ATP9A: variants seen among roughly 807,000 people sequenced by gnomAD.
The protein encoded by ATP9A is ATPase phospholipid transporting 9A.
Under a neutral mutation model 144.1 loss-of-function variants are expected in ATP9A, and 52 were observed. The observed-to-expected ratio is 0.36, with a 90% CI of 0.29 to 0.45. The LOEUF is 0.45. ATP9A is among the 20% of genes least tolerant of loss of function. The pLI is 1.00. For synonymous variants in ATP9A, 582 were observed against 557.4 expected (o/e 1.04, Z -0.62); for missense variants, 947 against 1,392.7 (o/e 0.68, Z 5.09).
At chr20:51,610,250 A>C in intron 23 of ATP9A, 85 bp from the exon 24 acceptor site, 5 of 1,117,128 alleles carry the variant, frequency 4.5e-6, no homozygotes, top group Non-Finnish European at 6.7e-6. Flanking sequence ...CCTGATACTT[A>C]CATAACACCC....
At chr20:51,621,276 AG>A (rs930723425) in intron 19 of ATP9A, among the ~76,000 whole-genome samples, 4 of 152,170 alleles carry the variant, frequency 2.6e-5, no homozygotes, top group Non-Finnish European at 5.9e-5. Flanking sequence ...GTGAATGATG[AG>A]AACTGACTGT....
At chr20:51,760,182 A>T (rs1425847551) in intron 1 of ATP9A, among the ~76,000 whole-genome samples, 1 of 152,144 alleles carries the variant, frequency 6.6e-6, no homozygotes, top group Non-Finnish European at 1.5e-5. Flanking sequence ...GAAAAAATAC[A>T]CGTGTCAGAT....
intron 1 of ATP9A, among the ~76,000 whole-genome samples, chr20:51,736,411 A>C (rs1366414433): frequency 6.6e-6 from 1 of 152,192 alleles, no homozygotes; most frequent in Non-Finnish European, 1.5e-5. Context: ...AAAACACTGC[A>C]GTGAGCAAGA....
At chr20:51,722,533 G>A (rs1278024811) in intron 3 of ATP9A, among the ~76,000 whole-genome samples, 1 of 152,048 alleles carries the variant, frequency 6.6e-6, no homozygotes, top group Non-Finnish European at 1.5e-5. Context: ...GTGGACTAAG[G>A]ACTTGAATAG....
intron 11 of ATP9A, 61 bp from the exon 12 acceptor site, chr20:51,671,318 A>G: frequency 6.4e-7 from 1 of 1,570,324 alleles, no homozygotes; most frequent in Non-Finnish European, 8.7e-7. Flanking sequence ...TTGTATCTTT[A>G]TAAAAACATG....
chr20:51,605,108 T>A, intron 26 of ATP9A, 88 bp from the exon 27 acceptor site: 1 of 1,200,268 alleles, frequency 8.3e-7, no homozygotes, highest in Non-Finnish European at 1.1e-6. Flanking sequence ...TCCGCAGTTT[T>A]CATTTAGACA....
chr20:51,604,470 C>CT (rs2077155387), intron 27 of ATP9A, among the ~76,000 whole-genome samples: 1 of 152,168 alleles, frequency 6.6e-6, no homozygotes, highest in Non-Finnish European at 1.5e-5. Flanking sequence ...CACAAGTCCC[C>CT]TTTTATCAGT....
At chr20:51,739,281 C>T (rs530168891) in intron 1 of ATP9A, among the ~76,000 whole-genome samples, 50 of 152,084 alleles carry the variant, frequency 3.3e-4, no homozygotes, top group Non-Finnish European at 6.0e-4. Flanking sequence ...CTTCCAAGTA[C>T]GTCCTTTCTT....
At chr20:51,632,235 C>T (rs2077272789) in intron 15 of ATP9A, among the ~76,000 whole-genome samples, 1 of 152,106 alleles carries the variant, frequency 6.6e-6, no homozygotes, top group Non-Finnish European at 1.5e-5. Flanking sequence ...GTGTGCACCA[C>T]CATGCCCAGC....
Position 51,702,796 on chromosome 20 carries a change from AC to A in ATP9A, c.437-5315del, listed in dbSNP as rs2077599743. Among the ~76,000 whole-genome samples, 6 of 152,312 alleles carry A rather than the reference AC, an allele frequency of 3.9e-5. No homozygotes were observed. The South Asian group carries it at 1.2e-3, about 32-fold the overall frequency. On this transcript the variant is annotated intron_variant, in intron 4 of 27. Coordinates refer to ENST00000338821, the MANE Select transcript of ATP9A (RefSeq NM_006045.3). Reference sequence around the variant, plus strand: ...TTGCAAAAAAGGGGAAGAACAAGATACGGAGAAGTAACCTAACAGAAGGGTT... The same window carrying A: ...TTGCAAAAAAGGGGAAGAACAAGATAGGAGAAGTAACCTAACAGAAGGGTT...
At chr20:51,676,639 C>A (rs566013941) in intron 9 of ATP9A, among the ~76,000 whole-genome samples, 1 of 152,134 alleles carries the variant, frequency 6.6e-6, no homozygotes, top group Non-Finnish European at 1.5e-5. Context: ...CCACCACACC[C>A]GGCTAATTTT....
chr20:51,693,511 GTTT>G (rs879692847), intron 7 of ATP9A, among the ~76,000 whole-genome samples: 1 of 147,220 alleles, frequency 6.8e-6, no homozygotes, highest in African/African-American at 2.6e-5. Flanking sequence ...TTGGAGGGTT[GTTT>G]TTTTTTTATT....
intron 2 of ATP9A, among the ~76,000 whole-genome samples, chr20:51,726,313 CAAAAAA>C (rs11476208): frequency 5.7e-5 from 4 of 70,784 alleles, no homozygotes; most frequent in South Asian, 1.7e-3. Context: ...AACTCTGTCT[CAAAAAA>C]AAAAAAAAAA....
At chr20:51,649,037 C>T (rs564796152) in intron 14 of ATP9A, among the ~76,000 whole-genome samples, 6 of 151,882 alleles carry the variant, frequency 4.0e-5, no homozygotes, top group Admixed American at 6.6e-5. Context: ...TCACCAAGCT[C>T]GGAAGCTTCC....
chr20:51,709,587 G>A (rs1405743460), intron 4 of ATP9A, among the ~76,000 whole-genome samples: 1 of 152,276 alleles, frequency 6.6e-6, no homozygotes, highest in East Asian at 1.9e-4. Context: ...ATTTAGCAGG[G>A]CGTGGTGGTG....
chr20:51,718,621 C>G (rs868389136), intron 3 of ATP9A, among the ~76,000 whole-genome samples: 1 of 150,790 alleles, frequency 6.6e-6, no homozygotes, highest in Non-Finnish European at 1.5e-5. Context: ...AGTTCGAGAC[C>G]AGCCTGGCCA....
chr20:51,736,531 T>C (rs1457039193), intron 1 of ATP9A, among the ~76,000 whole-genome samples: 1 of 152,032 alleles, frequency 6.6e-6, no homozygotes, highest in Non-Finnish European at 1.5e-5. Flanking sequence ...TTTTTTCCTT[T>C]TTCTGGAGAA....
chr20:51,733,516 G>A (rs2077750724), intron 1 of ATP9A, among the ~76,000 whole-genome samples: 2 of 152,080 alleles, frequency 1.3e-5, no homozygotes, highest in Admixed American at 1.3e-4. Context: ...TGGGATTACA[G>A]GCGTGCGCCA....
At chr20:51,758,924 C>CA (rs1223731517) in intron 1 of ATP9A, among the ~76,000 whole-genome samples, 2 of 151,944 alleles carry the variant, frequency 1.3e-5, no homozygotes, top group African/African-American at 4.8e-5. Context: ...GACTCTGTCT[C>CA]AAAAAAGAAA....
Sources: allele counts gnomAD v4.1 joint callset (sites outside exome capture counted in the v4.1 genomes callset), GRCh38; gene constraint gnomAD v4.1.1; transcripts MANE v1.5; gene names NCBI Gene and HGNC (gene_info 2026-07-23, HGNC 2026-07-21).